GRP: variants seen among roughly 807,000 people sequenced by gnomAD.
The protein encoded by GRP is gastrin releasing peptide.
A neutral mutation model predicts 12.7 loss-of-function variants in GRP; 11 were observed. The ratio of observed to expected loss-of-function variants is 0.87; its 90% CI spans 0.55 to 1.44. The LOEUF is 1.44. Among genes scored for constraint, GRP ranks in the 40% most tolerant of loss-of-function variants. The pLI, the probability that GRP is intolerant of heterozygous loss-of-function variation, is 0.00. For synonymous variants in GRP, 84 were observed against 77.7 expected (o/e 1.08, Z -0.43); for missense variants, 212 against 185.4 (o/e 1.14, Z -0.83).
intron 1 of GRP, among the ~76,000 whole-genome samples, chr18:59,224,460 G>A (rs933678673): frequency 6.6e-6 from 1 of 152,202 alleles, no homozygotes; most frequent in Non-Finnish European, 1.5e-5. Flanking sequence ...GCCAGTCAGT[G>A]TTGGAACCAC....
intron 2 of GRP, among the ~76,000 whole-genome samples, chr18:59,226,995 T>TCC (rs1303241943): frequency 4.3e-4 from 14 of 32,910 alleles, no homozygotes; most frequent in Admixed American, 1.2e-3. Context: ...TTTTCTTCCT[T>TCC]TCTTTCTTTC....
intron 1 of GRP, among the ~76,000 whole-genome samples, chr18:59,224,796 C>T (rs781255300): frequency 1.7e-4 from 26 of 152,292 alleles, no homozygotes; most frequent in Middle Eastern, 3.4e-3. Context: ...CTTTCAGACA[C>T]CCAAGAGAAA....
In GRP at chr18:59,220,344, C is replaced by T; in HGVS notation, c.79C>T (p.Pro27Ser). The stretch of plus-strand genomic sequence containing the variant: ...GCCCCGGGGGCGAGCGGTCCCGCTG[C>T]CTGCGGGCGGAGGGACCGTGCTGAC... ...LAPRGRAVPL[P>S]AGGGTVLTKM... The change falls in exon 1 of 3, where the codon CCT becomes TCT. Residue 27 changes from proline (P) to serine (S), a missense_variant. Transcript: ENST00000256857. 6.7e-7 allele frequency: 1 copy of T among 1,483,822 alleles called. No homozygotes were observed. The highest frequency in any genetic ancestry group is 8.9e-7 in the Non-Finnish European group (1 of 1,120,454). The allele number at this position is 1,483,822 out of a possible 1,614,324, so 91.9% of individuals were successfully genotyped here.
At chr18:59,220,433 G>T (rs919027996) in intron 1 of GRP, 29 bp downstream of exon 1, 2 of 1,338,654 alleles carry the variant, frequency 1.5e-6, no homozygotes, top group Non-Finnish European at 1.9e-6. Flanking sequence ...GGAGCCGCGC[G>T]CTTGTCCTCC....
At chr18:59,222,553 T>C (rs1277125618) in intron 1 of GRP, among the ~76,000 whole-genome samples, 2 of 152,268 alleles carry the variant, frequency 1.3e-5, no homozygotes, top group African/African-American at 4.8e-5. Flanking sequence ...ACATGCCCTC[T>C]GTTGGAATAT....
intron 1 of GRP, among the ~76,000 whole-genome samples, chr18:59,224,181 G>A (rs958293498): frequency 6.6e-6 from 1 of 152,148 alleles, no homozygotes; most frequent in Non-Finnish European, 1.5e-5. Context: ...ATGTAGTCTA[G>A]ATTGTGAACT....
At chr18:59,223,393 C>T (rs770133068) in intron 1 of GRP, among the ~76,000 whole-genome samples, 11 of 152,188 alleles carry the variant, frequency 7.2e-5, no homozygotes, top group Admixed American at 5.9e-4. Context: ...AGCGTGCTCT[C>T]CTTAGCAACC....
At chr18:59,228,946 T>A (rs983344103) in intron 2 of GRP, among the ~76,000 whole-genome samples, 1 of 152,178 alleles carries the variant, frequency 6.6e-6, no homozygotes, top group Non-Finnish European at 1.5e-5. Flanking sequence ...TTAGTGGACA[T>A]GAAGAGGGCA....
At position 59,227,028 on chromosome 18, in the gene GRP, TCTTTCTTTCTTTCTTTCTTTCTTTCTTC is replaced by T. The variant is rs1203990242; in HGVS notation, c.382+1307_382+1334del. ...TTCTTTCTTTCTTTCTTTCTTTCTT[TCTTTCTTTCTTTCTTTCTTTCTTTCTTC>T]CTTTCTTTCTTTTCTTTCCTTTCTC... On this transcript the variant is annotated intron_variant, in intron 2 of 2. Coordinates refer to ENST00000256857, the MANE Select transcript of GRP (RefSeq NM_002091.5). Among the ~76,000 whole-genome samples, 360 of 145,136 alleles carry T rather than the reference TCTTTCTTTCTTTCTTTCTTTCTTTCTTC, an allele frequency of 2.5e-3. 2 individuals are homozygous for T. Among genetic ancestry groups the T allele is most frequent in the Middle Eastern group, 0.021 (6 of 286 alleles).
intron 2 of GRP, 49 bp downstream of exon 2, chr18:59,225,783 G>A (rs747995821): frequency 4.4e-6 from 7 of 1,577,048 alleles, no homozygotes; most frequent in Non-Finnish European, 6.1e-6. Context: ...CTGGGGAGAG[G>A]TGGAAAGAGG....
chr18:59,230,244 C>A (rs1021917073), intron 2 of GRP, among the ~76,000 whole-genome samples, 160 bp from the exon 3 acceptor site: 1 of 152,162 alleles, frequency 6.6e-6, no homozygotes, highest in Non-Finnish European at 1.5e-5. Context: ...TGCTGCGCTC[C>A]GCCCCCAGAG....
At chr18:59,222,424 T>C (rs1483883744) in intron 1 of GRP, among the ~76,000 whole-genome samples, 1 of 152,216 alleles carries the variant, frequency 6.6e-6, no homozygotes, top group Non-Finnish European at 1.5e-5. Context: ...TGCACTTTTT[T>C]CTCTCCCTTT....
chr18:59,221,185 C>T (rs932031518), intron 1 of GRP, among the ~76,000 whole-genome samples: 3 of 152,256 alleles, frequency 2.0e-5, no homozygotes, highest in Non-Finnish European at 4.4e-5. Flanking sequence ...CGCCCTTTCC[C>T]CTCGCTCCTT....
At position 59,227,069 on chromosome 18, in the gene GRP, T is replaced by C. The variant is rs1403849623; in HGVS notation, c.382+1335T>C. ...TCTTTCTTTCTTCCTTTCTTTCTTT[T>C]CTTTCCTTTCTCTCTTGCTCTCTCT... On this transcript the variant is annotated intron_variant, in intron 2 of 2. Coordinates refer to ENST00000256857, the MANE Select transcript of GRP (RefSeq NM_002091.5). 4.3e-3 allele frequency among the ~76,000 whole-genome samples: 459 copies of C among 107,166 alleles called. 7 individuals carry two copies. The highest frequency in any genetic ancestry group is 0.016 in the African/African-American group (429 of 26,412). 70.3% of individuals were successfully genotyped at this position (107,166 alleles called of 152,430 possible).
intron 2 of GRP, among the ~76,000 whole-genome samples, chr18:59,226,992 C>CCTTTCTTT (rs34258044): frequency 0.018 from 1,954 of 107,804 alleles, 32 homozygotes; most frequent in East Asian, 0.041. Flanking sequence ...TTCTTTTCTT[C>CCTTTCTTT]CTTTCTTTCT....
Position 59,225,401 on chromosome 18 carries a change from A to G in GRP, c.140-91A>G, listed in dbSNP as rs986686223. On this transcript the variant is annotated intron_variant, in intron 1 of 2. Transcript: ENST00000256857. ...GCATTTAGGAGGAAGCAGCACAAAC[A>G]CAATTAGCTTTAAATTTCTTTTAAA... 4 of 1,236,822 alleles carry G rather than the reference A, an allele frequency of 3.2e-6. No homozygotes were observed. In the African/African-American group the frequency reaches 4.5e-5, roughly 14 times the overall value. The allele number at this position is 1,236,822 out of a possible 1,614,324, so 76.6% of individuals were successfully genotyped here.
chr18:59,225,339 TTTATGAACTAACTCTTAA>T (rs1180794343), intron 1 of GRP, among the ~76,000 whole-genome samples, 135 bp from the exon 2 acceptor site: 2 of 152,224 alleles, frequency 1.3e-5, no homozygotes, highest in African/African-American at 4.8e-5. Context: ...CTATCTGTCG[TTTATGAACTAACTCTTAA>T]TAAAACATGA....
upstream of GRP, chr18:59,220,110 C>A (rs540857367): frequency 7.2e-4 from 252 of 348,608 alleles, 27 homozygotes; most frequent in Middle Eastern, 9.3e-4. Flanking sequence ...GCCCCCCAGC[C>A]CCCCCGCCCG....
intron 1 of GRP, among the ~76,000 whole-genome samples, chr18:59,221,524 T>G (rs936431): frequency 0.77 from 117,161 of 151,802 alleles, 45,735 homozygotes; most frequent in African/African-American, 0.87. Context: ...AACCAGCTTC[T>G]TGGGAAGCTG....
Sources: allele counts gnomAD v4.1 joint callset (sites outside exome capture counted in the v4.1 genomes callset), GRCh38; gene constraint gnomAD v4.1.1; transcripts MANE v1.5; gene names NCBI Gene and HGNC (gene_info 2026-07-23, HGNC 2026-07-21).